TMEM132E: variants seen among roughly 807,000 people sequenced by gnomAD.
The protein encoded by TMEM132E is transmembrane protein 132E.
A neutral mutation model predicts 78.5 loss-of-function variants in TMEM132E; 49 were observed. That is an observed-to-expected ratio of 0.62 (90% confidence interval 0.50 to 0.79). The LOEUF is 0.79. Ranked by LOEUF, TMEM132E falls within the 30% of genes least tolerant of loss-of-function variation. The pLI is 0.00. For missense variants in TMEM132E, 1,403 were observed against 1,470.9 expected, an observed-to-expected ratio of 0.95 and a Z score of 0.75; for synonymous variants, 715 against 670.6, an observed-to-expected ratio of 1.07 and a Z score of -1.02.
At chr17:34,637,098 C>G in intron 8 of TMEM132E, 79 bp from the exon 9 acceptor site, 2 of 1,333,344 alleles carry the variant, frequency 1.5e-6, no homozygotes, top group Admixed American at 2.0e-5. Flanking sequence ...GTCCCTGCCC[C>G]TACAGAGCCC....
intron 7 of TMEM132E, chr17:34,635,739 T>G: frequency 2.8e-6 from 1 of 357,562 alleles, no homozygotes. Context: ...CTAGTCACCA[T>G]GCGGGGGTTG....
At chr17:34,588,967 T>C (rs901251784) in intron 1 of TMEM132E, among the ~76,000 whole-genome samples, 1 of 152,226 alleles carries the variant, frequency 6.6e-6, no homozygotes, top group African/African-American at 2.4e-5. Context: ...TTGGCCAGGC[T>C]GGTCTCGAAC....
chr17:34,609,051 C>T (rs1403603542), intron 1 of TMEM132E, among the ~76,000 whole-genome samples: 5 of 152,194 alleles, frequency 3.3e-5, no homozygotes, highest in Non-Finnish European at 5.9e-5. Context: ...ACCAGCCTGG[C>T]TCTACAGCAG....
At chr17:34,631,880 G>A (rs144254067) in intron 5 of TMEM132E, among the ~76,000 whole-genome samples, 8 of 152,348 alleles carry the variant, frequency 5.3e-5, no homozygotes, top group Non-Finnish European at 7.3e-5. Flanking sequence ...TGCCAGGTGT[G>A]TGCGTGGGCA....
At chr17:34,630,216 A>C in intron 5 of TMEM132E, 65 bp downstream of exon 5, 5 of 1,547,664 alleles carry the variant, frequency 3.2e-6, no homozygotes, top group Non-Finnish European at 4.4e-6. Context: ...GTAGAACCTC[A>C]AACCAGAGTC....
At chr17:34,619,931 C>G (rs1365124628) in intron 1 of TMEM132E, among the ~76,000 whole-genome samples, 1 of 152,276 alleles carries the variant, frequency 6.6e-6, no homozygotes, top group Non-Finnish European at 1.5e-5. Context: ...CAGCCCAGCA[C>G]CCTTGAGCCC....
intron 2 of TMEM132E, 73 bp downstream of exon 2, chr17:34,627,130 GTT>G: frequency 3.7e-6 from 3 of 819,314 alleles, no homozygotes; most frequent in East Asian, 3.1e-5. Context: ...TTGTGGGTGG[GTT>G]GGGGGGTGGG....
chr17:34,602,495 G>A (rs1019382927), intron 1 of TMEM132E, among the ~76,000 whole-genome samples: 1 of 152,198 alleles, frequency 6.6e-6, no homozygotes, highest in South Asian at 2.1e-4. Context: ...GGAGGAGGAG[G>A]CTTTTCTCCC....
chr17:34,582,786 A>T (rs1334487655), intron 1 of TMEM132E, among the ~76,000 whole-genome samples: 1 of 151,976 alleles, frequency 6.6e-6, no homozygotes, highest in Non-Finnish European at 1.5e-5. Flanking sequence ...GCCCAGTAGG[A>T]GGAAGCCCAG....
intron 1 of TMEM132E, among the ~76,000 whole-genome samples, chr17:34,615,810 G>A (rs1208971728): frequency 6.6e-6 from 1 of 151,922 alleles, no homozygotes; most frequent in African/African-American, 2.4e-5. Context: ...CCTGACTCAG[G>A]AGGCCGTGTG....
chr17:34,628,854 T>A (rs557269533), intron 3 of TMEM132E, 145 bp downstream of exon 3: 3 of 1,360,956 alleles, frequency 2.2e-6, no homozygotes, highest in South Asian at 3.0e-5. Flanking sequence ...CTCAGTGGGA[T>A]CCTGGGGCTG....
chr17:34,609,202 T>C (rs1368999340), intron 1 of TMEM132E, among the ~76,000 whole-genome samples: 2 of 152,216 alleles, frequency 1.3e-5, no homozygotes, highest in African/African-American at 4.8e-5. Context: ...CAGTTCTGCA[T>C]GTGGCCTGGA....
At position 34,581,013 on chromosome 17, in the gene TMEM132E, C is replaced by A; in HGVS notation, c.-64C>A. The A allele has an allele frequency of 1.4e-6, 2 of 1,426,966 alleles. No homozygotes were observed. Among genetic ancestry groups the A allele is most frequent in the Admixed American group, 2.2e-5 (1 of 46,370 alleles). 88.4% of individuals were successfully genotyped at this position (1,426,966 alleles called of 1,614,324 possible). A position where few individuals can be genotyped will look rare whatever the true frequency, so the allele number is the denominator to read the frequency against. ...GCCCTGAGTTGGATGTGACCAAGCC[C>A]AGCCTGGGGCCAAGTCGTCGTCGAC... is the stretch of plus-strand genomic sequence containing the variant. On this transcript the variant is annotated 5_prime_UTR_variant, in exon 1 of 9. Transcript: ENST00000631683.
chr17:34,603,163 G>A (rs147776612), intron 1 of TMEM132E, among the ~76,000 whole-genome samples: 9 of 152,272 alleles, frequency 5.9e-5, no homozygotes, highest in African/African-American at 1.2e-4. Context: ...GTCAGGTTGC[G>A]AGACAGTGAT....
At chr17:34,627,439 C>T (rs188050353) in intron 2 of TMEM132E, among the ~76,000 whole-genome samples, 89 of 132,080 alleles carry the variant, frequency 6.7e-4, no homozygotes, top group African/African-American at 2.4e-3. Context: ...GTCCAGAGAG[C>T]AGCCTCTTGG....
chr17:34,634,814 C>G lies in TMEM132E; in HGVS notation c.1704C>G (p.Ser568Arg), dbSNP rs759300720. 13 of 1,613,142 alleles carry G rather than the reference C, an allele frequency of 8.1e-6. No individual in the cohort carries two copies. The highest frequency in any genetic ancestry group is 1.1e-5 in the Non-Finnish European group (13 of 1,179,606). The change falls in exon 7 of 9, where the codon AGC becomes AGG. Residue 568 changes from serine (S) to arginine (R), a missense_variant. Physicochemically the swap from Ser to Arg is moderately radical, Grantham distance 110. Coordinates refer to ENST00000631683, the MANE Select transcript of TMEM132E (RefSeq NM_001304438.2). The stretch of plus-strand genomic sequence containing the variant: ...CCCACCCCAGGTCAGTCCGGGAAAG[C>G]GAGGATGAGGATGAGGAGGAGGAGG... ...ILPDRRSVRE[S>R]EDEDEEEEER...
chr17:34,625,995 C>T (rs1907102870), intron 1 of TMEM132E, 132 bp from the exon 2 acceptor site: 2 of 853,632 alleles, frequency 2.3e-6, no homozygotes, highest in Admixed American at 3.2e-5. Flanking sequence ...GATGGACAGC[C>T]AGGCTGAACC....
At chr17:34,613,213 G>GCGCGCGCA (rs1906664744) in intron 1 of TMEM132E, among the ~76,000 whole-genome samples, 1 of 94,318 alleles carries the variant, frequency 1.1e-5, no homozygotes, top group Non-Finnish European at 2.5e-5. Context: ...ACACACACAC[G>GCGCGCGCA]CGCGCGCGCG....
chr17:34,590,731 T>C (rs955764805), intron 1 of TMEM132E, among the ~76,000 whole-genome samples: 3 of 152,208 alleles, frequency 2.0e-5, no homozygotes, highest in Admixed American at 1.3e-4. Flanking sequence ...GGTAACTCTT[T>C]ACCTGGGTGA....
Sources: allele counts gnomAD v4.1 joint callset (sites outside exome capture counted in the v4.1 genomes callset), GRCh38; gene constraint gnomAD v4.1.1; transcripts MANE v1.5; gene names NCBI Gene and HGNC (gene_info 2026-07-23, HGNC 2026-07-21).